Variants in P2RX3 observed in about 807,000 individuals in gnomAD.
The protein encoded by P2RX3 is purinergic receptor P2X 3.
A neutral mutation model predicts 51.5 loss-of-function variants in P2RX3; 41 were observed. That is an observed-to-expected ratio of 0.80 (90% CI 0.62 to 1.03). P2RX3 has a LOEUF of 1.03. P2RX3 is among the 50% of genes least tolerant of loss of function. The probability of loss-of-function intolerance (pLI) is 0.00; values close to 1 mark genes in which losing one functional copy is unlikely to be tolerated. For missense variants in P2RX3, 459 were observed against 522.1 expected, an observed-to-expected ratio of 0.88 and a Z score of 1.18; for synonymous variants, 185 against 191.6, an observed-to-expected ratio of 0.97 and a Z score of 0.29.
At chr11:57,337,415 T>C (rs57709349), upstream of P2RX3, among the ~76,000 whole-genome samples, 5,459 of 127,092 alleles carry the variant, frequency 0.043, 341 homozygotes, top group African/African-American at 0.15. Flanking sequence ...ATCTAACAAA[T>C]GACTTTAATA....
rs919034422 is a variant in P2RX3, at chr11:57,371,029, G to A, written c.*1032G>A. Among the ~76,000 whole-genome samples the A allele has an allele frequency of 3.3e-5, 5 of 152,344 alleles. No homozygotes were observed. The highest frequency in any genetic ancestry group is 5.9e-5 in the Non-Finnish European group (4 of 68,034). ...TTTTCTAAGGTTAGAAGCTAAAGGG[G>A]CCTTTTAAACCATCTTATCTAACCC... On this transcript the variant is annotated 3_prime_UTR_variant, in exon 12 of 12. Transcript: ENST00000263314.
chr11:57,352,643 TCTC>T, intron 8 of P2RX3, among the ~76,000 whole-genome samples: 1 of 152,320 alleles, frequency 6.6e-6, no homozygotes, highest in South Asian at 2.1e-4. Flanking sequence ...TAGAACAGCA[TCTC>T]TCATCTAAAT....
chr11:57,355,334 CT>C (rs1201675322), intron 8 of P2RX3, among the ~76,000 whole-genome samples: 3,021 of 117,298 alleles, frequency 0.026, 45 homozygotes, highest in African/African-American at 0.072. Context: ...TATTTTATTT[CT>C]TTTTTTTTTT....
intron 1 of P2RX3, among the ~76,000 whole-genome samples, chr11:57,343,225 C>T (rs964740681): frequency 6.6e-6 from 1 of 152,206 alleles, no homozygotes; most frequent in South Asian, 2.1e-4. Flanking sequence ...CCTCTCCACC[C>T]CACTGGGCAC....
chr11:57,359,478 G>A (rs1001649165), intron 8 of P2RX3, among the ~76,000 whole-genome samples: 2 of 152,260 alleles, frequency 1.3e-5, no homozygotes, highest in East Asian at 1.9e-4. Flanking sequence ...TTCCAGCCAC[G>A]CCTGTCAGAG....
intron 8 of P2RX3, among the ~76,000 whole-genome samples, chr11:57,353,837 T>TTCC (rs1856585670): frequency 8.3e-6 from 1 of 120,910 alleles, no homozygotes; most frequent in Admixed American, 7.7e-5. Flanking sequence ...CAAATGTCAC[T>TTCC]CCCCCCCCCC....
intron 8 of P2RX3, among the ~76,000 whole-genome samples, chr11:57,366,686 G>A (rs1590642249): frequency 6.6e-6 from 1 of 152,282 alleles, no homozygotes; most frequent in Non-Finnish European, 1.5e-5. Context: ...TTCATGTATA[G>A]AGGCTGAGAA....
chr11:57,352,432 A>G (rs1283409306), intron 8 of P2RX3, among the ~76,000 whole-genome samples: 3 of 152,236 alleles, frequency 2.0e-5, no homozygotes. Context: ...CACTGAGATC[A>G]ATACAAAGGA....
chr11:57,343,382 G>C (rs1856376939), intron 1 of P2RX3, among the ~76,000 whole-genome samples: 1 of 152,214 alleles, frequency 6.6e-6, no homozygotes, highest in Non-Finnish European at 1.5e-5. Flanking sequence ...AAAAGCACAG[G>C]GTCCGGTTCA....
intron 8 of P2RX3, among the ~76,000 whole-genome samples, chr11:57,358,040 T>C (rs528549037): frequency 6.6e-6 from 1 of 152,240 alleles, no homozygotes; most frequent in East Asian, 1.9e-4. Flanking sequence ...TTTCCACCAC[T>C]CGATGAGAGG....
At chr11:57,339,038 G>T (rs1049902859) in intron 1 of P2RX3, among the ~76,000 whole-genome samples, 1 of 152,110 alleles carries the variant, frequency 6.6e-6, no homozygotes, top group South Asian at 2.1e-4. Context: ...CCACATCTTC[G>T]AATTCCCCTC....
chr11:57,346,622 C>T lies in P2RX3; in HGVS notation c.198C>T (p.Gly66=), dbSNP rs1488781584. 2 of 1,614,070 alleles carry T rather than the reference C, an allele frequency of 1.2e-6. No homozygotes were observed. Among genetic ancestry groups the T allele is most frequent in the East Asian group, 2.2e-5 (1 of 44,904 alleles). ...CCTCGGTGGTAACCAAGGTGAAGGG[C>T]TCCGGACTCTACGCCAACAGAGTCA... is the stretch of plus-strand genomic sequence containing the variant. ...IESSVVTKVK[G]SGLYANRVMD... Residue 66 remains glycine, a synonymous_variant, in exon 2 of 12, where the codon GGC becomes GGT. Transcript: ENST00000263314.
chr11:57,358,834 C>G (rs1477737956), intron 8 of P2RX3, among the ~76,000 whole-genome samples: 1 of 152,206 alleles, frequency 6.6e-6, no homozygotes, highest in Non-Finnish European at 1.5e-5. Flanking sequence ...GACGTTTGTA[C>G]TTACTCATTC....
At chr11:57,341,973 T>C (rs1222797088) in intron 1 of P2RX3, among the ~76,000 whole-genome samples, 3 of 151,868 alleles carry the variant, frequency 2.0e-5, no homozygotes, top group African/African-American at 7.3e-5. Context: ...ATAAAGCAGG[T>C]GAAAGGGAGG....
intron 10 of P2RX3, among the ~76,000 whole-genome samples, chr11:57,369,143 C>T (rs1446711405): frequency 1.3e-5 from 2 of 152,236 alleles, no homozygotes; most frequent in African/African-American, 2.4e-5. Flanking sequence ...AAAGGCCCCA[C>T]TTGTCAATAC....
At chr11:57,337,260 C>T (rs192701044), upstream of P2RX3, among the ~76,000 whole-genome samples, 209 of 139,518 alleles carry the variant, frequency 1.5e-3, 1 homozygote, top group African/African-American at 5.3e-3. Flanking sequence ...CCACTGCACT[C>T]CAGCCCGGGT....
At chr11:57,337,710 T>C (rs1022148157), upstream of P2RX3, among the ~76,000 whole-genome samples, 1 of 152,148 alleles carries the variant, frequency 6.6e-6, no homozygotes, top group Non-Finnish European at 1.5e-5. Flanking sequence ...TTAGGAGATA[T>C]ACCTAATGTA....
intron 3 of P2RX3, 58 bp from the exon 4 acceptor site, chr11:57,347,357 C>T (rs558929772): frequency 1.5e-5 from 23 of 1,540,192 alleles, no homozygotes; most frequent in Admixed American, 1.2e-4. Context: ...GAGGGAGTCG[C>T]GGAGCTCACC....
intron 8 of P2RX3, among the ~76,000 whole-genome samples, chr11:57,361,561 G>C (rs1856719851): frequency 1.3e-5 from 2 of 152,134 alleles, no homozygotes; most frequent in African/African-American, 4.8e-5. Flanking sequence ...TTCTGTTCTT[G>C]TGTTAGTTTG....
Sources: gnomAD v4.1 joint callset for allele counts (sites outside exome capture counted in the v4.1 genomes callset) on GRCh38, gnomAD v4.1.1 for gene constraint, MANE v1.5 for transcripts, NCBI Gene and HGNC (gene_info 2026-07-23, HGNC 2026-07-21) for gene names.